The following ARID1B variants were observed in gnomAD, a reference collection of about 807,000 sequenced individuals.
The protein encoded by ARID1B is AT-rich interactive domain-containing protein 1B.
A neutral mutation model predicts 212.3 loss-of-function variants in ARID1B; 30 were observed. The observed-to-expected ratio is 0.14, with a 90% CI of 0.11 to 0.19. ARID1B has a LOEUF of 0.19. Among genes scored for constraint, ARID1B ranks in the 10% least tolerant of loss-of-function variants. The probability of loss-of-function intolerance (pLI) is 1.00; values close to 1 mark genes in which losing one functional copy is unlikely to be tolerated. For missense variants in ARID1B, 2,891 were observed against 3,204.0 expected (o/e 0.90, Z 2.36); for synonymous variants, 1,402 against 1,301.7 (o/e 1.08, Z -1.66).
At chr6:156,988,157 C>T (rs1343359680) in intron 4 of ARID1B, among the ~76,000 whole-genome samples, 1 of 152,166 alleles carries the variant, frequency 6.6e-6, no homozygotes, top group Non-Finnish European at 1.5e-5. Context: ...AAGGATTTAG[C>T]TGGAGACGCA....
intron 4 of ARID1B, among the ~76,000 whole-genome samples, chr6:156,990,138 A>C (rs369016605): frequency 6.6e-6 from 1 of 151,316 alleles, no homozygotes. Flanking sequence ...TGAGTTGTAG[A>C]GTCAATGGAC....
intron 4 of ARID1B, among the ~76,000 whole-genome samples, chr6:156,945,068 A>G (rs775313382): frequency 2.0e-4 from 29 of 145,686 alleles, no homozygotes; most frequent in East Asian, 4.0e-4. Flanking sequence ...GACTACAGGC[A>G]CTTGCCACCA....
chr6:156,801,494 C>T (rs991316018), intron 1 of ARID1B, among the ~76,000 whole-genome samples: 1 of 152,050 alleles, frequency 6.6e-6, no homozygotes. Flanking sequence ...CCACCGCACC[C>T]GGCCTCATCA....
intron 4 of ARID1B, among the ~76,000 whole-genome samples, chr6:156,977,603 T>C (rs1777336947): frequency 6.6e-6 from 1 of 152,202 alleles, no homozygotes. Context: ...TTTAATATTG[T>C]TGACTTTCAG....
intron 13 of ARID1B, among the ~76,000 whole-genome samples, chr6:157,187,180 A>G (rs1793034046): frequency 6.6e-6 from 1 of 152,182 alleles, no homozygotes; most frequent in Non-Finnish European, 1.5e-5. Context: ...GCGCTGTAGG[A>G]AGCACCTCCC....
chr6:157,141,671 A>C (rs977533062), intron 7 of ARID1B, among the ~76,000 whole-genome samples: 13 of 152,222 alleles, frequency 8.5e-5, no homozygotes, highest in Non-Finnish European at 8.8e-5. Context: ...AAATATGATA[A>C]CCAGCAAATA....
Position 156,778,804 on chromosome 6 carries a change from A to G in ARID1B, c.1124A>G (p.Asn375Ser), listed in dbSNP as rs755281397. 1 of 1,491,358 alleles carries G rather than the reference A, an allele frequency of 6.7e-7. No individual in the cohort carries two copies. Among genetic ancestry groups the G allele is most frequent in the Non-Finnish European group, 9.0e-7 (1 of 1,116,658 alleles). 92.4% of individuals were successfully genotyped at this position (1,491,358 alleles called of 1,614,324 possible). The change falls in exon 1 of 20, where the codon AAC becomes AGC. Residue 375 changes from asparagine (N) to serine (S), a missense_variant. Asn to Ser is a conservative substitution (Grantham distance 46). This residue lies in a region of ARID1B where 1,643 missense variants were observed against 1,544.0 expected (regional missense o/e 1.06). Coordinates refer to ENST00000636930, the MANE Select transcript of ARID1B (RefSeq NM_001374828.1). Reference protein sequence around the residue: ...PLQNSHEGYPNSQCNHYPGYS... With the variant: ...PLQNSHEGYPSSQCNHYPGYS... Reference sequence around the variant, plus strand: ...CAGAACTCCCACGAAGGGTACCCCAACAGCCAGTGCAACCATTATCCGGGC... The same window carrying G: ...CAGAACTCCCACGAAGGGTACCCCAGCAGCCAGTGCAACCATTATCCGGGC...
chr6:156,956,205 A>T (rs1470885617), intron 4 of ARID1B, among the ~76,000 whole-genome samples: 1 of 152,090 alleles, frequency 6.6e-6, no homozygotes, highest in African/African-American at 2.4e-5. Context: ...AGAAAAAGAC[A>T]TTCTTTTTTG....
intron 5 of ARID1B, among the ~76,000 whole-genome samples, chr6:157,108,925 A>T (rs1311931761): frequency 6.6e-6 from 1 of 152,162 alleles, no homozygotes; most frequent in African/African-American, 2.4e-5. Flanking sequence ...GCAGTTACAC[A>T]CTCAGGAACA....
At chr6:157,111,189 A>G (rs1184319919) in intron 6 of ARID1B, 2 of 153,172 alleles carry the variant, frequency 1.3e-5, no homozygotes, top group Non-Finnish European at 2.9e-5. Context: ...GTGGCCCCAC[A>G]TCTGCCAGTG....
At chr6:156,907,329 C>T (rs1789482268) in intron 3 of ARID1B, among the ~76,000 whole-genome samples, 1 of 152,014 alleles carries the variant, frequency 6.6e-6, no homozygotes, top group Admixed American at 6.6e-5. Flanking sequence ...TGAATTTTAT[C>T]TTCCGTCTTT....
intron 2 of ARID1B, among the ~76,000 whole-genome samples, chr6:156,876,312 C>T (rs1183393327): frequency 6.6e-6 from 1 of 152,202 alleles, no homozygotes; most frequent in Non-Finnish European, 1.5e-5. Flanking sequence ...TCCTCAGCCT[C>T]ACCCATCCGG....
chr6:157,085,473 T>TG (rs1460833837), intron 5 of ARID1B, among the ~76,000 whole-genome samples: 1 of 152,226 alleles, frequency 6.6e-6, no homozygotes, highest in African/African-American at 2.4e-5. Flanking sequence ...TTATTTCACT[T>TG]GTCATGCATC....
intron 6 of ARID1B, among the ~76,000 whole-genome samples, chr6:157,131,475 C>T (rs148635455): frequency 2.6e-4 from 39 of 151,974 alleles, no homozygotes; most frequent in Non-Finnish European, 4.9e-4. Context: ...GTGGGCGAGC[C>T]GGGAGGAGGG....
intron 1 of ARID1B, among the ~76,000 whole-genome samples, chr6:156,813,047 T>A (rs1235646130): frequency 6.8e-6 from 1 of 146,754 alleles, no homozygotes; most frequent in African/African-American, 2.5e-5. Flanking sequence ...TATATACACA[T>A]ACGTATGTAT....
chr6:156,962,575 C>T lies in ARID1B; in HGVS notation c.2247+26999C>T, dbSNP rs141609457. ...AGCACAATCACAGCTCACCGCTTCC[C>T]GGGCTAAAGCGATCCTCCAACTTCA... On this transcript the variant is annotated intron_variant, in intron 4 of 19. Transcript: ENST00000636930. 1.2e-3 allele frequency among the ~76,000 whole-genome samples: 187 copies of T among 152,090 alleles called. 3 individuals are homozygous for T. The highest frequency in any genetic ancestry group is 4.1e-3 in the African/African-American group (169 of 41,480).
At chr6:157,096,174 G>A (rs529390788) in intron 5 of ARID1B, among the ~76,000 whole-genome samples, 46 of 152,276 alleles carry the variant, frequency 3.0e-4, no homozygotes, top group African/African-American at 9.4e-4. Flanking sequence ...CTGCAGCCCC[G>A]GAGTTCAGCT....
intron 3 of ARID1B, among the ~76,000 whole-genome samples, chr6:156,924,678 C>T (rs1216042155): frequency 1.3e-5 from 2 of 152,096 alleles, no homozygotes; most frequent in African/African-American, 2.4e-5. Flanking sequence ...ACAGCGAAAC[C>T]GTGGGTAAGG....
At chr6:157,005,586 ATTGGTAAAAC>A (rs1448094964) in intron 4 of ARID1B, among the ~76,000 whole-genome samples, 1 of 152,176 alleles carries the variant, frequency 6.6e-6, no homozygotes, top group African/African-American at 2.4e-5. Flanking sequence ...AGAAAACCGA[ATTGGTAAAAC>A]TTCTTTCTCC....
Sources: gnomAD v4.1 joint callset for allele counts (sites outside exome capture counted in the v4.1 genomes callset) on GRCh38, gnomAD v4.1.1 for gene constraint, gnomAD v4.1.1 regional missense constraint, MANE v1.5 for transcripts, NCBI Gene and HGNC (gene_info 2026-07-23, HGNC 2026-07-21) for gene names.